The following EYS variants were observed in gnomAD, a reference collection of about 807,000 sequenced individuals.
EYS encodes protein eyes shut homolog.
Under a neutral mutation model 282.1 loss-of-function variants are expected in EYS, and 250 were observed. The observed-to-expected ratio is 0.89, with a 90% CI of 0.80 to 0.98. The LOEUF is 0.98. Among genes scored for constraint, EYS ranks in the 50% least tolerant of loss-of-function variants. The probability of loss-of-function intolerance (pLI) is 0.00; values close to 1 mark genes in which losing one functional copy is unlikely to be tolerated. For missense variants in EYS, 4,016 were observed against 3,709.0 expected, an observed-to-expected ratio of 1.08 and a Z score of -2.15; for synonymous variants, 1,355 against 1,282.9, an observed-to-expected ratio of 1.06 and a Z score of -1.20.
At chr6:64,040,722 C>T (rs1442156874) in intron 33 of EYS, among the ~76,000 whole-genome samples, 2 of 152,172 alleles carry the variant, frequency 1.3e-5, no homozygotes, top group Non-Finnish European at 2.9e-5. Context: ...TCTATGGCTG[C>T]TCTAGAGCTG....
chr6:64,794,105 T>C (rs1487044571), intron 22 of EYS, among the ~76,000 whole-genome samples: 1 of 152,200 alleles, frequency 6.6e-6, no homozygotes, highest in African/African-American at 2.4e-5. Context: ...TTTGTTGTTC[T>C]GTGATGTGCT....
chr6:65,413,320 T>A (rs946713125), intron 5 of EYS, among the ~76,000 whole-genome samples: 2 of 152,184 alleles, frequency 1.3e-5, no homozygotes, highest in Non-Finnish European at 2.9e-5. Context: ...TATAGCAATG[T>A]ACAAAATAGA....
chr6:64,606,421 T>A (rs1766939581), intron 24 of EYS, among the ~76,000 whole-genome samples: 1 of 152,022 alleles, frequency 6.6e-6, no homozygotes, highest in African/African-American at 2.4e-5. Context: ...ATCTTGTTTT[T>A]ATACCTCTAT....
intron 7 of EYS, 24 bp downstream of exon 7, chr6:65,402,454 A>T (rs191727170): frequency 3.7e-5 from 53 of 1,419,424 alleles, no homozygotes; most frequent in Non-Finnish European, 9.9e-7. Flanking sequence ...TTTGTATTAA[A>T]AATAAACAGA....
chr6:64,243,033 TATAAA>T (rs1233316369), intron 30 of EYS, among the ~76,000 whole-genome samples: 3 of 147,344 alleles, frequency 2.0e-5, no homozygotes, highest in African/African-American at 7.4e-5. Flanking sequence ...GTATAATAAA[TATAAA>T]ATATAATTAT....
At chr6:65,136,736 A>G (rs1262018661) in intron 12 of EYS, among the ~76,000 whole-genome samples, 1 of 152,094 alleles carries the variant, frequency 6.6e-6, no homozygotes, top group Non-Finnish European at 1.5e-5. Flanking sequence ...ACCAGGCTGG[A>G]GTGCAGTGGC....
Position 65,635,385 on chromosome 6 carries a change from T to C in EYS, c.-333+4393A>G, listed in dbSNP as rs574330553. ...ATTATGACAGTAAAAGAGATCTGAT[T>C]TAACCACCCCGCCCCATCTTGCCTT... On this transcript the variant is annotated intron_variant, in intron 2 of 42. Transcript: ENST00000503581. 3.3e-5 allele frequency among the ~76,000 whole-genome samples: 5 copies of C among 152,314 alleles called. No homozygotes were observed. The East Asian group carries it at 9.6e-4, about 29-fold the overall frequency.
At chr6:64,165,837 T>C (rs1764271112) in intron 31 of EYS, among the ~76,000 whole-genome samples, 1 of 152,174 alleles carries the variant, frequency 6.6e-6, no homozygotes, top group Non-Finnish European at 1.5e-5. Context: ...TTGAGATGTA[T>C]GGATTTTAGA....
intron 30 of EYS, among the ~76,000 whole-genome samples, chr6:64,304,936 A>G (rs1271853229): frequency 6.6e-6 from 1 of 152,200 alleles, no homozygotes; most frequent in East Asian, 1.9e-4. Flanking sequence ...TCTCAAATTC[A>G]ACAAGTTAAC....
intron 22 of EYS, among the ~76,000 whole-genome samples, chr6:64,726,176 T>C (rs1313667428): frequency 1.3e-5 from 2 of 151,726 alleles, no homozygotes; most frequent in Non-Finnish European, 2.9e-5. Flanking sequence ...CAAATCTCAC[T>C]CTTCTTTTAT....
intron 12 of EYS, among the ~76,000 whole-genome samples, chr6:65,204,991 A>G (rs1038600185): frequency 8.7e-6 from 1 of 115,362 alleles, no homozygotes; most frequent in African/African-American, 3.7e-5. Context: ...GAATATATTT[A>G]TATATTCTAG....
At chr6:65,178,340 TC>T (rs1358209749) in intron 12 of EYS, among the ~76,000 whole-genome samples, 2 of 151,974 alleles carry the variant, frequency 1.3e-5, no homozygotes, top group Non-Finnish European at 2.9e-5. Flanking sequence ...TTGGGTAAAT[TC>T]CTTTACTACC....
chr6:63,999,598 C>T (rs1767986045), intron 33 of EYS, among the ~76,000 whole-genome samples: 1 of 152,266 alleles, frequency 6.6e-6, no homozygotes, highest in South Asian at 2.1e-4. Flanking sequence ...TTTCCCCTCC[C>T]TGGCCTACAG....
At chr6:64,832,663 G>A (rs1765259931) in intron 19 of EYS, among the ~76,000 whole-genome samples, 1 of 151,840 alleles carries the variant, frequency 6.6e-6, no homozygotes, top group Non-Finnish European at 1.5e-5. Context: ...TTTTGGAGGT[G>A]ATGAATATGT....
chr6:64,123,404 T>A (rs1434141698), intron 31 of EYS, among the ~76,000 whole-genome samples: 2 of 152,216 alleles, frequency 1.3e-5, no homozygotes, highest in Non-Finnish European at 2.9e-5. Context: ...TTAGTTGACA[T>A]ATTTTTGAAG....
At chr6:65,003,324 C>T (rs1771527931) in intron 13 of EYS, among the ~76,000 whole-genome samples, 1 of 147,150 alleles carries the variant, frequency 6.8e-6, no homozygotes, top group Admixed American at 6.8e-5. Flanking sequence ...CACAGCACTC[C>T]CAGGCTTATT....
intron 33 of EYS, among the ~76,000 whole-genome samples, chr6:64,005,549 T>A (rs1768304483): frequency 6.6e-6 from 1 of 152,196 alleles, no homozygotes; most frequent in Non-Finnish European, 1.5e-5. Flanking sequence ...TGCCAGGGCC[T>A]ATATTTAGAA....
intron 19 of EYS, among the ~76,000 whole-genome samples, chr6:64,875,259 T>C (rs1766710602): frequency 6.6e-6 from 1 of 152,022 alleles, no homozygotes; most frequent in South Asian, 2.1e-4. Context: ...AGTTGGAGAA[T>C]TAAAATGTTC....
chr6:63,952,801 G>C (rs1251272065), intron 35 of EYS, among the ~76,000 whole-genome samples: 4 of 151,952 alleles, frequency 2.6e-5, no homozygotes, highest in African/African-American at 9.7e-5. Flanking sequence ...CTCCTCCTTG[G>C]GGACTGATCA....
Sources: allele counts gnomAD v4.1 joint callset (sites outside exome capture counted in the v4.1 genomes callset), GRCh38; gene constraint gnomAD v4.1.1; transcripts MANE v1.5; gene names NCBI Gene and HGNC (gene_info 2026-07-23, HGNC 2026-07-21).